Variants in CDH23 observed in about 807,000 individuals in gnomAD.
CDH23 encodes cadherin-23.
CDH23 carries 189 observed loss-of-function variants against 317.1 expected under a neutral mutation model. The ratio of observed to expected loss-of-function variants is 0.60; its 90% CI spans 0.53 to 0.67. CDH23 has a LOEUF of 0.67. Ranked by LOEUF, CDH23 falls within the 30% of genes least tolerant of loss-of-function variation. The pLI, the probability that CDH23 is intolerant of heterozygous loss-of-function variation, is 0.00. For missense variants in CDH23, 4,401 were observed against 4,592.4 expected (o/e 0.96, Z 1.20); for synonymous variants, 1,839 against 1,876.8 (o/e 0.98, Z 0.52).
intron 14 of CDH23, among the ~76,000 whole-genome samples, chr10:71,660,640 C>T (rs986165468): frequency 2.6e-5 from 4 of 152,166 alleles, no homozygotes; most frequent in African/African-American, 9.7e-5. Context: ...CTGTGCTTAG[C>T]TGCAAAGGAG....
chr10:71,623,061 G>A, intron 11 of CDH23: 1 of 561,780 alleles, frequency 1.8e-6, no homozygotes. Flanking sequence ...CTAGGTCCTG[G>A]GGGGACTGAG....
intron 2 of CDH23, among the ~76,000 whole-genome samples, chr10:71,442,449 A>T (rs547935855): frequency 6.6e-6 from 1 of 151,992 alleles, no homozygotes; most frequent in Non-Finnish European, 1.5e-5. Flanking sequence ...ATCAGACCAC[A>T]CTGCCCTCGC....
intron 1 of CDH23, among the ~76,000 whole-genome samples, chr10:71,401,973 C>T (rs938429704): frequency 1.3e-5 from 2 of 152,200 alleles, no homozygotes; most frequent in African/African-American, 4.8e-5. Context: ...TCTTACCAAC[C>T]TCATTGACGA....
rs532865101 is a variant in CDH23 at position 71,718,736 on chromosome 10, G to A, written c.3370-5309G>A. On this transcript the variant is annotated intron_variant, in intron 28 of 69. Coordinates refer to ENST00000224721, the MANE Select transcript of CDH23 (RefSeq NM_022124.6). ...GAGACCCTACTGGGCTAGCAAATAGGATCCAGGCTTCAGGCCTTGGGACCT... is the reference window on the plus strand; with the variant it reads ...GAGACCCTACTGGGCTAGCAAATAGAATCCAGGCTTCAGGCCTTGGGACCT... Among the ~76,000 whole-genome samples, 5 of 152,318 alleles carry A rather than the reference G, an allele frequency of 3.3e-5. No individual in the cohort carries two copies. In the South Asian group the frequency reaches 1.0e-3, roughly 32 times the overall value.
intron 3 of CDH23, among the ~76,000 whole-genome samples, chr10:71,477,649 C>A (rs1851863626): frequency 1.3e-5 from 2 of 152,226 alleles, no homozygotes; most frequent in African/African-American, 2.4e-5. Flanking sequence ...GCATGCCCTG[C>A]ATCTTACTCG....
At chr10:71,451,235 C>T (rs1419982069) in intron 3 of CDH23, among the ~76,000 whole-genome samples, 1 of 152,194 alleles carries the variant, frequency 6.6e-6, no homozygotes, top group Non-Finnish European at 1.5e-5. Context: ...GCAGCTTCCT[C>T]AGGTCTCAGT....
intron 38 of CDH23, chr10:71,748,889 A>G (rs1839921496): frequency 6.5e-6 from 1 of 152,826 alleles, no homozygotes; most frequent in Admixed American, 6.5e-5. Context: ...GCCATGGATG[A>G]AGATGGAACT....
At chr10:71,698,158 T>A (rs1430770310) in intron 22 of CDH23, among the ~76,000 whole-genome samples, 1 of 152,194 alleles carries the variant, frequency 6.6e-6, no homozygotes, top group Non-Finnish European at 1.5e-5. Flanking sequence ...AATTCCCAGT[T>A]ACGTATGATG....
chr10:71,583,035 G>T (rs912351484), intron 9 of CDH23, among the ~76,000 whole-genome samples: 1 of 152,208 alleles, frequency 6.6e-6, no homozygotes, highest in Admixed American at 6.5e-5. Flanking sequence ...ATCCTTGGGA[G>T]GGGGTGCCTC....
intron 37 of CDH23, among the ~76,000 whole-genome samples, chr10:71,741,382 T>A (rs897151820): frequency 1.3e-5 from 2 of 152,142 alleles, no homozygotes; most frequent in Non-Finnish European, 2.9e-5. Flanking sequence ...AGCCCACTGA[T>A]TGGCTGTGTG....
intron 26 of CDH23, among the ~76,000 whole-genome samples, chr10:71,707,874 C>T (rs1023713759): frequency 6.6e-6 from 1 of 152,150 alleles, no homozygotes; most frequent in African/African-American, 2.4e-5. Context: ...CCAATGCCTC[C>T]CCATGAAGCA....
At chr10:71,726,216 C>G (rs1866803401) in intron 30 of CDH23, among the ~76,000 whole-genome samples, 1 of 152,124 alleles carries the variant, frequency 6.6e-6, no homozygotes, top group Non-Finnish European at 1.5e-5. Flanking sequence ...ACTCAGCAGC[C>G]CCCAGCCCCT....
At chr10:71,511,030 T>C (rs766146952) in intron 5 of CDH23, 29 bp downstream of exon 5, 6 of 1,613,358 alleles carry the variant, frequency 3.7e-6, no homozygotes, top group Middle Eastern at 3.3e-4. Context: ...CCTGGAGGCA[T>C]GTTCCTGGGG....
chr10:71,445,434 G>A (rs1173375979), intron 2 of CDH23, among the ~76,000 whole-genome samples: 3 of 152,192 alleles, frequency 2.0e-5, no homozygotes, highest in East Asian at 1.9e-4. Flanking sequence ...GGTTCCACCC[G>A]TCAACCAAGC....
intron 12 of CDH23, among the ~76,000 whole-genome samples, chr10:71,644,786 C>G (rs1289190573): frequency 2.0e-5 from 3 of 152,228 alleles, no homozygotes; most frequent in Non-Finnish European, 4.4e-5. Flanking sequence ...GCCAGAGCCT[C>G]TGCCTCTGGA....
In CDH23 at chr10:71,519,078, CT is replaced by C. The variant is rs536629616; in HGVS notation, c.429+7867del. On this transcript the variant is annotated intron_variant, in intron 6 of 69. Coordinates refer to ENST00000224721, the MANE Select transcript of CDH23 (RefSeq NM_022124.6). ...TAATGTTCTTAATTACATCAGTTTC[CT>C]CGCCGATTCTAGCTGGGAGTCTTTG... Among the ~76,000 whole-genome samples the C allele has an allele frequency of 1.5e-3, 221 of 152,292 alleles. 2 individuals carry two copies. The highest frequency in any genetic ancestry group is 4.7e-3 in the African/African-American group (197 of 41,574).
Position 71,778,213 on chromosome 10 carries a change from C to T in CDH23, c.5092C>T (p.Leu1698=), listed in dbSNP as rs1226007474. The T allele has an allele frequency of 6.2e-7, 1 of 1,613,896 alleles. No individual in the cohort carries two copies. The highest frequency in any genetic ancestry group is 1.1e-5 in the South Asian group (1 of 91,070). The change falls in exon 40 of 70, where the codon CTG becomes TTG. Residue 1698 remains leucine, a synonymous_variant. Coordinates refer to ENST00000224721, the MANE Select transcript of CDH23 (RefSeq NM_022124.6). ...HMGVITAAKE[L]DYEISHGRYT... is the part of the protein sequence containing the mutation. ...GGGTGTCATCACTGCTGCCAAAGAG[C>T]TGGACTACGAGATCAGCCACGGCCG...
At chr10:71,716,699 G>C (rs1464991461) in intron 28 of CDH23, 2 of 207,636 alleles carry the variant, frequency 9.6e-6, no homozygotes, top group African/African-American at 4.6e-5. Flanking sequence ...TCAATAACTT[G>C]CTCTGTGGCC....
At chr10:71,585,195 T>C (rs796619359) in intron 9 of CDH23, among the ~76,000 whole-genome samples, 117 of 152,066 alleles carry the variant, frequency 7.7e-4, no homozygotes, top group Middle Eastern at 3.4e-3. Context: ...AAATAGATGA[T>C]GTGGGAAAAG....
Sources: allele counts gnomAD v4.1 joint callset (sites outside exome capture counted in the v4.1 genomes callset), GRCh38; gene constraint gnomAD v4.1.1; transcripts MANE v1.5; gene names NCBI Gene and HGNC (gene_info 2026-07-23, HGNC 2026-07-21).